DLG2: variants seen among roughly 807,000 people sequenced by gnomAD.
The protein encoded by DLG2 is discs large MAGUK scaffold protein 2, also known as disks large homolog 2.
Under a neutral mutation model 132.5 loss-of-function variants are expected in DLG2, and 45 were observed. The ratio of observed to expected loss-of-function variants is 0.34; its 90% confidence interval spans 0.27 to 0.44. DLG2 has a LOEUF of 0.44. Ranked by LOEUF, DLG2 falls within the 20% of genes least tolerant of loss-of-function variation. DLG2 has a pLI of 1.00. For synonymous variants in DLG2, 424 were observed against 419.6 expected (o/e 1.01, Z -0.13); for missense variants, 1,045 against 1,196.9 (o/e 0.87, Z 1.87).
At chr11:84,859,871 G>A (rs920965588) in intron 6 of DLG2, among the ~76,000 whole-genome samples, 1 of 152,038 alleles carries the variant, frequency 6.6e-6, no homozygotes, top group African/African-American at 2.4e-5. Flanking sequence ...CTCTTAGAAA[G>A]TGCAAACTGC....
intron 7 of DLG2, among the ~76,000 whole-genome samples, chr11:84,256,844 A>T (rs2097480573): frequency 6.6e-6 from 1 of 152,170 alleles, no homozygotes; most frequent in South Asian, 2.1e-4. Flanking sequence ...GTGTGATTTC[A>T]TTATGAGAGG....
chr11:84,683,737 T>C (rs2099735577), intron 6 of DLG2, among the ~76,000 whole-genome samples: 1 of 152,018 alleles, frequency 6.6e-6, no homozygotes, highest in East Asian at 1.9e-4. Flanking sequence ...GGAGACAGGG[T>C]GTTTAGGTGG....
chr11:84,748,407 G>C (rs569520614), intron 6 of DLG2, among the ~76,000 whole-genome samples: 1 of 152,210 alleles, frequency 6.6e-6, no homozygotes, highest in South Asian at 2.1e-4. Flanking sequence ...GTTGAAAATG[G>C]TAAGGTGATA....
At chr11:85,617,122 A>G (rs1002721127) in intron 2 of DLG2, among the ~76,000 whole-genome samples, 1 of 152,208 alleles carries the variant, frequency 6.6e-6, no homozygotes, top group Non-Finnish European at 1.5e-5. Context: ...TACTTCTAAC[A>G]TACCTAAATT....
chr11:84,042,277 T>C (rs2096108640), intron 11 of DLG2, among the ~76,000 whole-genome samples: 1 of 151,856 alleles, frequency 6.6e-6, no homozygotes, highest in Non-Finnish European at 1.5e-5. Context: ...GAATCTATAG[T>C]CTTTAACTTT....
intron 6 of DLG2, among the ~76,000 whole-genome samples, chr11:84,650,139 G>T (rs1019761336): frequency 6.6e-6 from 1 of 152,128 alleles, no homozygotes. Context: ...CATCTCCTCA[G>T]AAATATACCT....
intron 6 of DLG2, among the ~76,000 whole-genome samples, chr11:84,911,983 A>T (rs2154077896): frequency 6.6e-6 from 1 of 152,242 alleles, no homozygotes; most frequent in African/African-American, 2.4e-5. Flanking sequence ...TTTTATCATC[A>T]ATATCCCAAA....
intron 7 of DLG2, among the ~76,000 whole-genome samples, chr11:84,304,472 C>T (rs2098192875): frequency 6.6e-6 from 1 of 152,134 alleles, no homozygotes; most frequent in African/African-American, 2.4e-5. Flanking sequence ...AGGGACATTC[C>T]ATCAGGTGGG....
chr11:84,611,168 G>A (rs2099594964), intron 6 of DLG2, among the ~76,000 whole-genome samples: 1 of 151,868 alleles, frequency 6.6e-6, no homozygotes, highest in Admixed American at 6.6e-5. Context: ...TCAAATTTTT[G>A]AGGCCAAGGA....
intron 15 of DLG2, among the ~76,000 whole-genome samples, chr11:83,917,614 CCTG>C (rs1210925269): frequency 1.3e-5 from 2 of 152,092 alleles, no homozygotes; most frequent in African/African-American, 4.8e-5. Flanking sequence ...GAAATCTGAC[CCTG>C]CTGGAAGGAC....
intron 6 of DLG2, among the ~76,000 whole-genome samples, chr11:84,710,423 T>C (rs569853660): frequency 6.6e-6 from 1 of 152,008 alleles, no homozygotes; most frequent in African/African-American, 2.4e-5. Context: ...CAAACCATAA[T>C]GAGGATACTT....
intron 3 of DLG2, among the ~76,000 whole-genome samples, chr11:85,559,431 G>C (rs940903651): frequency 1.3e-5 from 2 of 151,590 alleles, no homozygotes; most frequent in Admixed American, 6.6e-5. Context: ...TTATAGGCAT[G>C]AGCCACTGCG....
At chr11:84,151,519 T>C (rs964933508) in intron 9 of DLG2, among the ~76,000 whole-genome samples, 6 of 152,164 alleles carry the variant, frequency 3.9e-5, no homozygotes, top group African/African-American at 1.4e-4. Context: ...TGCTGATCTT[T>C]TGTATATATT....
At chr11:85,624,896 G>A (rs1276766736) in intron 2 of DLG2, among the ~76,000 whole-genome samples, 1 of 152,074 alleles carries the variant, frequency 6.6e-6, no homozygotes, top group Admixed American at 6.5e-5. Flanking sequence ...AAGGAAGAGA[G>A]GAAGAAGGAA....
rs144726448 is a variant in DLG2, at chr11:84,370,385, C to A, written c.520-119094G>T. Among the ~76,000 whole-genome samples the A allele has an allele frequency of 1.3e-5, 2 of 152,160 alleles. 1 individual carries two copies. The highest frequency in any genetic ancestry group is 3.9e-4 in the East Asian group (2 of 5,176). On this transcript the variant is annotated intron_variant, in intron 7 of 27. Transcript: ENST00000376104. ...CATTTCCAAGGAATCTCCTAGTTTT[C>A]CCCAATTTGAAATAAAGGAAGTGGC... is the stretch of plus-strand genomic sequence containing the variant.
At chr11:83,469,465 T>A in intron 24 of DLG2, 92 bp from the exon 25 acceptor site, 1 of 880,260 alleles carries the variant, frequency 1.1e-6, no homozygotes, top group East Asian at 2.5e-5. Context: ...TCAACATTGA[T>A]ATGTAGAAAT....
At chr11:85,260,435 C>T (rs2076882720) in intron 4 of DLG2, among the ~76,000 whole-genome samples, 1 of 152,144 alleles carries the variant, frequency 6.6e-6, no homozygotes, top group African/African-American at 2.4e-5. Flanking sequence ...TTGTTCTAAA[C>T]TTTGAGGATC....
chr11:84,561,587 T>C (rs2099428878), intron 6 of DLG2, among the ~76,000 whole-genome samples: 2 of 152,168 alleles, frequency 1.3e-5, no homozygotes, highest in Admixed American at 6.6e-5. Flanking sequence ...TCATTTACTT[T>C]CATACCTCCT....
intron 6 of DLG2, among the ~76,000 whole-genome samples, chr11:85,098,248 T>C (rs190321682): frequency 2.0e-4 from 30 of 152,324 alleles, no homozygotes; most frequent in Admixed American, 7.8e-4. Flanking sequence ...GTACTTCATA[T>C]AGTGCAACGA....
Sources: gnomAD v4.1 joint callset for allele counts (sites outside exome capture counted in the v4.1 genomes callset) on GRCh38, gnomAD v4.1.1 for gene constraint, MANE v1.5 for transcripts, NCBI Gene and HGNC (gene_info 2026-07-23, HGNC 2026-07-21) for gene names.